TRMT10A: variants seen among roughly 807,000 people sequenced by gnomAD.
TRMT10A encodes the protein tRNA methyltransferase 10A, also known as tRNA methyltransferase 10 homolog A.
A neutral mutation model predicts 40.4 loss-of-function variants in TRMT10A; 37 were observed. The ratio of observed to expected loss-of-function variants is 0.92; its 90% CI spans 0.71 to 1.21. TRMT10A has a LOEUF of 1.21. TRMT10A is among the 50% of genes most tolerant of loss of function. TRMT10A has a pLI of 0.00. For missense variants in TRMT10A, 388 were observed against 404.3 expected (o/e 0.96, Z 0.35); for synonymous variants, 103 against 134.1 (o/e 0.77, Z 1.60).
In TRMT10A at chr4:99,558,358, T is replaced by C. The variant is rs186604008; in HGVS notation, c.186-147A>G. On this transcript the variant is annotated intron_variant, in intron 2 of 7. Transcript: ENST00000394876. ...TGACCATTCAAAAATGGTCAAGTAT[T>C]AGCAGTTTTATACAACCCATCTAAA... 1.0e-4 allele frequency: 72 copies of C among 722,210 alleles called. No homozygotes were observed. In the East Asian group the frequency reaches 2.0e-3, roughly 20 times the overall value. 44.7% of individuals were successfully genotyped at this position (722,210 alleles called of 1,614,324 possible).
intron 1 of TRMT10A, among the ~76,000 whole-genome samples, chr4:99,560,216 A>C (rs541064606): frequency 1.7e-4 from 26 of 152,308 alleles, no homozygotes; most frequent in African/African-American, 6.3e-4. Context: ...TTTGGCTGAA[A>C]TATTTCAGAG....
rs918169118 is a variant in TRMT10A, at chr4:99,546,838, T to C, written c.*2250A>G. On this transcript the variant is annotated 3_prime_UTR_variant, in exon 8 of 8. Coordinates refer to ENST00000394876, the MANE Select transcript of TRMT10A (RefSeq NM_001134665.3). ...AACCAAAACAATGTTGAGAGAAAAGTATACATGCAAATGAGCAAAAAGCTT... is the reference window on the plus strand; with the variant it reads ...AACCAAAACAATGTTGAGAGAAAAGCATACATGCAAATGAGCAAAAAGCTT... 1.3e-5 allele frequency: 2 copies of C among 152,118 alleles called. No individual in the cohort carries two copies. The highest frequency in any genetic ancestry group is 4.8e-5 in the African/African-American group (2 of 41,412). 9.4% of individuals were successfully genotyped at this position (152,118 alleles called of 1,614,324 possible). A position where few individuals can be genotyped will look rare whatever the true frequency, so the allele number is the denominator to read the frequency against.
At chr4:99,560,679 T>TA (rs1410654090) in intron 1 of TRMT10A, among the ~76,000 whole-genome samples, 11 of 152,092 alleles carry the variant, frequency 7.2e-5, no homozygotes, top group Non-Finnish European at 1.5e-4. Flanking sequence ...GGAAAAAAAT[T>TA]AAAAAATATG....
At chr4:99,557,710 A>G (rs537440119) in intron 3 of TRMT10A, 1 of 392,034 alleles carries the variant, frequency 2.6e-6, no homozygotes, top group East Asian at 5.0e-5. Context: ...GAGCCATACT[A>G]TTACTATTTT....
chr4:99,556,133 CT>C lies in TRMT10A; in HGVS notation c.495+12del. 6.2e-7 allele frequency: 1 copy of C among 1,611,342 alleles called. No homozygotes were observed. The highest frequency in any genetic ancestry group is 8.5e-7 in the Non-Finnish European group (1 of 1,178,260). ...TACTTGGAATTATGTGAGAGTTTAT[CT>C]GTTTTAATTACCTTCCAGTTGACCC... On this transcript the variant is annotated intron_variant, in intron 5 of 7. Coordinates refer to ENST00000394876, the MANE Select transcript of TRMT10A (RefSeq NM_001134665.3).
Position 99,548,157 on chromosome 4 carries a change from T to C in TRMT10A, c.*931A>G, listed in dbSNP as rs530276789. 1.6e-4 allele frequency: 25 copies of C among 152,018 alleles called. No homozygotes were observed. Among genetic ancestry groups the C allele is most frequent in the African/African-American group, 5.5e-4 (23 of 41,484 alleles). 9.4% of individuals were successfully genotyped at this position (152,018 alleles called of 1,614,324 possible). On this transcript the variant is annotated 3_prime_UTR_variant, in exon 8 of 8. Coordinates refer to ENST00000394876, the MANE Select transcript of TRMT10A (RefSeq NM_001134665.3). ...GAGCCATACATGATGAGGATAGTTATGTATTTACATGCATATTATCACATG... is the reference window on the plus strand; with the variant it reads ...GAGCCATACATGATGAGGATAGTTACGTATTTACATGCATATTATCACATG...
At chr4:99,551,141 G>A in intron 6 of TRMT10A, 151 bp from the exon 7 acceptor site, 1 of 581,338 alleles carries the variant, frequency 1.7e-6, no homozygotes, top group East Asian at 3.1e-5. Flanking sequence ...GTGTTTTACT[G>A]CTCATTTGGA....
chr4:99,551,068 AT>A, intron 6 of TRMT10A, 78 bp from the exon 7 acceptor site: 1 of 1,034,568 alleles, frequency 9.7e-7, no homozygotes, highest in Non-Finnish European at 1.4e-6. Context: ...TAATTTTTAG[AT>A]AAGATTTATA....
chr4:99,559,977 A>G (rs926342786), intron 1 of TRMT10A, among the ~76,000 whole-genome samples: 2 of 152,150 alleles, frequency 1.3e-5, no homozygotes, highest in African/African-American at 4.8e-5. Flanking sequence ...TCTTACCCAC[A>G]GTTTTCTGCA....
In TRMT10A at chr4:99,547,955, G is replaced by C. The variant is rs1483583375; in HGVS notation, c.*1133C>G. On this transcript the variant is annotated 3_prime_UTR_variant, in exon 8 of 8. Transcript: ENST00000394876. Reference sequence around the variant, plus strand: ...TTAACTGCATGTACAATTACTGATAGGAAACTAAAACAGTTCCCTTTCACA... The same window carrying C: ...TTAACTGCATGTACAATTACTGATACGAAACTAAAACAGTTCCCTTTCACA... 2 of 152,036 alleles carry C rather than the reference G, an allele frequency of 1.3e-5. No individual in the cohort carries two copies. Among genetic ancestry groups the C allele is most frequent in the African/African-American group, 4.8e-5 (2 of 41,424 alleles). 9.4% of individuals were successfully genotyped at this position (152,036 alleles called of 1,614,324 possible). A position where few individuals can be genotyped will look rare whatever the true frequency, so the allele number is the denominator to read the frequency against.
chr4:99,557,302 CAT>C (rs765507854), intron 4 of TRMT10A, 41 bp downstream of exon 4: 12 of 1,557,840 alleles, frequency 7.7e-6, no homozygotes, highest in Non-Finnish European at 1.1e-5. Context: ...CCACAAAAGA[CAT>C]AAAAGAAAAC....
At chr4:99,562,518 T>C (rs13101497) in intron 1 of TRMT10A, among the ~76,000 whole-genome samples, 212 of 87,088 alleles carry the variant, frequency 2.4e-3, no homozygotes, top group East Asian at 0.018. Flanking sequence ...GGAATGCCTT[T>C]TTTTTTTTTT....
intron 7 of TRMT10A, among the ~76,000 whole-genome samples, chr4:99,550,633 T>C (rs1485741898): frequency 6.6e-6 from 1 of 152,154 alleles, no homozygotes; most frequent in African/African-American, 2.4e-5. Flanking sequence ...GGAAAAGAAC[T>C]AGAGGTCAAC....
At chr4:99,562,822 G>GCCAGGAATGC (rs1724490706) in intron 1 of TRMT10A, among the ~76,000 whole-genome samples, 1 of 149,576 alleles carries the variant, frequency 6.7e-6, no homozygotes, top group African/African-American at 2.5e-5. Flanking sequence ...ACTGCGCCCG[G>GCCAGGAATGC]CCTTTCTTGT....
At chr4:99,555,159 CTT>C (rs1724117316) in intron 5 of TRMT10A, among the ~76,000 whole-genome samples, 1 of 152,124 alleles carries the variant, frequency 6.6e-6, no homozygotes, top group Non-Finnish European at 1.5e-5. Flanking sequence ...AAACATGCCT[CTT>C]TTAATTTATT....
intron 5 of TRMT10A, among the ~76,000 whole-genome samples, chr4:99,554,778 A>G (rs1724103499): frequency 6.6e-6 from 1 of 151,918 alleles, no homozygotes; most frequent in Non-Finnish European, 1.5e-5. Context: ...TTATAGATTT[A>G]ATTAATTCCA....
At position 99,558,048 on chromosome 4, in the gene TRMT10A, C is replaced by T; in HGVS notation, c.348+1G>A. 1.9e-6 allele frequency: 3 copies of T among 1,573,546 alleles called. No homozygotes were observed. The highest frequency in any genetic ancestry group is 1.2e-5 in the South Asian group (1 of 84,140). ...ATTTTTCTGACAATGATTCATGATA[C>T]CTTTAATACCATCAAGTGATCAAAA... On this transcript the variant is annotated splice_donor_variant, in intron 3 of 7. Coordinates refer to ENST00000394876, the MANE Select transcript of TRMT10A (RefSeq NM_001134665.3). LOFTEE classifies it high-confidence loss of function.
intron 6 of TRMT10A, among the ~76,000 whole-genome samples, chr4:99,552,678 C>A (rs998419757): frequency 6.6e-6 from 1 of 151,924 alleles, no homozygotes. Flanking sequence ...ATGACAAAGA[C>A]AAATTAAATG....
intron 1 of TRMT10A, among the ~76,000 whole-genome samples, chr4:99,562,515 C>CT (rs67816425): frequency 0.056 from 4,304 of 76,534 alleles, 945 homozygotes; most frequent in African/African-American, 0.091. Flanking sequence ...AAAGGAATGC[C>CT]TTTTTTTTTT....
Sources: allele counts gnomAD v4.1 joint callset (sites outside exome capture counted in the v4.1 genomes callset), GRCh38; gene constraint gnomAD v4.1.1; transcripts MANE v1.5; gene names NCBI Gene and HGNC (gene_info 2026-07-23, HGNC 2026-07-21).